Variants in UNC13C observed in about 807,000 individuals in gnomAD.
The protein encoded by UNC13C is unc-13 homolog C, also known as protein unc-13 homolog C.
A neutral mutation model predicts 245.4 loss-of-function variants in UNC13C; 174 were observed. The ratio of observed to expected loss-of-function variants is 0.71; its 90% confidence interval spans 0.63 to 0.80. The LOEUF is 0.80. UNC13C is among the 30% of genes least tolerant of loss of function. The pLI is 0.00. For synonymous variants in UNC13C, 992 were observed against 895.1 expected (o/e 1.11, Z -1.93); for missense variants, 2,829 against 2,602.9 (o/e 1.09, Z -1.89).
rs1766558457 is a variant in UNC13C, at chr15:54,582,847, AC to A, written c.6106+14901del. Among the ~76,000 whole-genome samples, 4 of 152,314 alleles carry A rather than the reference AC, an allele frequency of 2.6e-5. No homozygotes were observed. The South Asian group carries it at 8.3e-4, about 32-fold the overall frequency. On this transcript the variant is annotated intron_variant, in intron 30 of 32. Coordinates refer to ENST00000260323, the MANE Select transcript of UNC13C (RefSeq NM_001080534.3). Reference sequence around the variant, plus strand: ...TTTTAAAATGTTGACCATTTATATTACTTAAGTAATGTGCTACCATTTATAA... The same window carrying A: ...TTTTAAAATGTTGACCATTTATATTATTAAGTAATGTGCTACCATTTATAA...
intron 13 of UNC13C, among the ~76,000 whole-genome samples, chr15:54,305,055 C>A (rs1440074674): frequency 1.3e-5 from 2 of 152,020 alleles, no homozygotes; most frequent in African/African-American, 4.8e-5. Context: ...CCACGACTTA[C>A]AAATTGAAAT....
intron 2 of UNC13C, among the ~76,000 whole-genome samples, chr15:54,073,107 C>G (rs1898413070): frequency 6.6e-6 from 1 of 152,102 alleles, no homozygotes; most frequent in Admixed American, 6.5e-5. Context: ...GTTCAACTCC[C>G]ACTTATAAGT....
At chr15:54,105,477 A>G (rs867451006) in intron 2 of UNC13C, among the ~76,000 whole-genome samples, 3 of 152,102 alleles carry the variant, frequency 2.0e-5, no homozygotes, top group Non-Finnish European at 4.4e-5. Flanking sequence ...GAAGGTTTTC[A>G]TATATTTTTT....
intron 2 of UNC13C, among the ~76,000 whole-genome samples, chr15:54,129,262 C>T (rs1207789860): frequency 6.6e-6 from 1 of 152,192 alleles, no homozygotes; most frequent in Non-Finnish European, 1.5e-5. Context: ...TACATATGTA[C>T]ATACATCCAC....
chr15:54,371,985 C>G (rs545459158), intron 17 of UNC13C, among the ~76,000 whole-genome samples: 2 of 152,148 alleles, frequency 1.3e-5, no homozygotes, highest in African/African-American at 4.8e-5. Flanking sequence ...TCAAAGCACA[C>G]AAGTTTTAGT....
intron 19 of UNC13C, among the ~76,000 whole-genome samples, chr15:54,471,160 T>G (rs756586451): frequency 1.3e-5 from 2 of 151,662 alleles, no homozygotes; most frequent in Non-Finnish European, 3.0e-5. Context: ...TGTATGCACT[T>G]GGAAAGAATG....
intron 2 of UNC13C, among the ~76,000 whole-genome samples, chr15:54,096,156 G>A (rs1037085167): frequency 3.3e-5 from 5 of 152,156 alleles, no homozygotes; most frequent in African/African-American, 7.2e-5. Context: ...CTTTGGTGGG[G>A]TGTGGAGTGA....
At chr15:54,506,309 T>C (rs999775806) in intron 22 of UNC13C, among the ~76,000 whole-genome samples, 3 of 152,178 alleles carry the variant, frequency 2.0e-5, no homozygotes, top group African/African-American at 4.8e-5. Flanking sequence ...GAGAGTAGTA[T>C]TCATACGTAC....
chr15:54,225,380 A>T (rs2035351212), intron 4 of UNC13C, among the ~76,000 whole-genome samples: 1 of 152,328 alleles, frequency 6.6e-6, no homozygotes, highest in Middle Eastern at 3.4e-3. Context: ...AATCGAATTG[A>T]ATATATAAAT....
chr15:54,492,146 G>A (rs1893743354), intron 19 of UNC13C, among the ~76,000 whole-genome samples: 1 of 152,052 alleles, frequency 6.6e-6, no homozygotes, highest in Admixed American at 6.6e-5. Context: ...AAAATAAAAG[G>A]TTGCCGTATT....
chr15:54,099,375 G>A (rs1900046589), intron 2 of UNC13C, among the ~76,000 whole-genome samples: 1 of 152,044 alleles, frequency 6.6e-6, no homozygotes, highest in African/African-American at 2.4e-5. Flanking sequence ...ACTTTGCTTG[G>A]GAATATAGCA....
chr15:54,556,893 G>A (rs184842948), intron 29 of UNC13C, among the ~76,000 whole-genome samples: 162 of 152,052 alleles, frequency 1.1e-3, no homozygotes, highest in African/African-American at 3.9e-3. Flanking sequence ...ATAGGGAATG[G>A]TATTCACTGT....
At chr15:54,092,260 A>G (rs993635389) in intron 2 of UNC13C, among the ~76,000 whole-genome samples, 10 of 152,182 alleles carry the variant, frequency 6.6e-5, no homozygotes, top group Non-Finnish European at 5.9e-5. Context: ...AGTATTTAAC[A>G]TGATTTATTT....
At chr15:53,843,437 G>A in the UNC13C span, among the ~76,000 whole-genome samples, 1,024 of 152,242 alleles carry the variant, frequency 6.7e-3, 6 homozygotes, top group Non-Finnish European at 9.6e-3. Flanking sequence ...ACTCCAACCT[G>A]GGCAGCAGAG....
At chr15:54,051,004 C>G (rs1897247662) in intron 2 of UNC13C, 1 of 432,692 alleles carries the variant, frequency 2.3e-6, no homozygotes, top group African/African-American at 2.1e-5. Context: ...CTCCTGGTCA[C>G]CATAGTGACT....
Position 54,372,119 on chromosome 15 carries a change from T to C in UNC13C, c.4714-20929T>C, listed in dbSNP as rs920917148. On this transcript the variant is annotated intron_variant, in intron 17 of 32. Transcript: ENST00000260323. ...GTGTTCTCAGCACAAAAAAGCATTA[T>C]AGTATGTGAGGTAATGCATATATTA... is the stretch of plus-strand genomic sequence containing the variant. Among the ~76,000 whole-genome samples the C allele has an allele frequency of 4.6e-5, 7 of 152,142 alleles. 1 individual carries two copies. Among genetic ancestry groups the C allele is most frequent in the Admixed American group, 1.3e-4 (2 of 15,276 alleles).
rs2140955824 is a variant in UNC13C at position 54,418,654 on chromosome 15, C to T, written c.4933+3587C>T. 2.0e-5 allele frequency among the ~76,000 whole-genome samples: 3 copies of T among 152,168 alleles called. No homozygotes were observed. The South Asian group carries it at 6.2e-4, about 32-fold the overall frequency. Reference sequence around the variant, plus strand: ...GAAATAAACACATTATAATTAAAAACTGGGAGGGTTGGGGGCTTGGTAAAT... The same window carrying T: ...GAAATAAACACATTATAATTAAAAATTGGGAGGGTTGGGGGCTTGGTAAAT... On this transcript the variant is annotated intron_variant, in intron 19 of 32. Coordinates refer to ENST00000260323, the MANE Select transcript of UNC13C (RefSeq NM_001080534.3).
chr15:53,944,356 G>C, the UNC13C span, among the ~76,000 whole-genome samples: 3 of 151,770 alleles, frequency 2.0e-5, no homozygotes, highest in Non-Finnish European at 4.4e-5. Context: ...TTATCACCCA[G>C]GTACTAGGCC....
chr15:54,511,195 G>A (rs1014672372), intron 23 of UNC13C, among the ~76,000 whole-genome samples: 2 of 152,040 alleles, frequency 1.3e-5, no homozygotes, highest in Non-Finnish European at 2.9e-5. Context: ...AAAAAAGAAC[G>A]CTCTAACCTG....
Sources: allele counts gnomAD v4.1 joint callset (sites outside exome capture counted in the v4.1 genomes callset), GRCh38; gene constraint gnomAD v4.1.1; transcripts MANE v1.5; gene names NCBI Gene and HGNC (gene_info 2026-07-23, HGNC 2026-07-21).